Variants in COL26A1 observed in about 807,000 individuals in gnomAD.
COL26A1 encodes the protein collagen alpha-1(XXVI) chain.
COL26A1 carries 41 observed loss-of-function variants against 59.3 expected under a neutral mutation model. The observed-to-expected ratio is 0.69, with a 90% CI of 0.54 to 0.90. The LOEUF (loss-of-function observed/expected upper bound fraction) is 0.90, where lower values mean the gene tolerates loss of function less well. Among genes scored for constraint, COL26A1 ranks in the 40% least tolerant of loss-of-function variants. The pLI, the probability that COL26A1 is intolerant of heterozygous loss-of-function variation, is 0.00. For synonymous variants in COL26A1, 266 were observed against 256.0 expected, an observed-to-expected ratio of 1.04 and a Z score of -0.37; for missense variants, 612 against 602.3, an observed-to-expected ratio of 1.02 and a Z score of -0.17.
chr7:101,471,672 C>A (rs1044901957), intron 3 of COL26A1, among the ~76,000 whole-genome samples: 1 of 149,774 alleles, frequency 6.7e-6, no homozygotes, highest in Non-Finnish European at 1.5e-5. Context: ...CTCCACCTAC[C>A]GAGTTCAAGC....
At chr7:101,518,261 A>T (rs901411843) in intron 3 of COL26A1, among the ~76,000 whole-genome samples, 1 of 152,182 alleles carries the variant, frequency 6.6e-6, no homozygotes, top group African/African-American at 2.4e-5. Context: ...AGTGGGTGCT[A>T]CAGGAAGATG....
At chr7:101,537,307 C>T (rs1295888298) in intron 4 of COL26A1, among the ~76,000 whole-genome samples, 1 of 152,186 alleles carries the variant, frequency 6.6e-6, no homozygotes, top group South Asian at 2.1e-4. Context: ...GGGCTTTACT[C>T]TCTGACCTCA....
chr7:101,383,895 C>T (rs888216673), intron 1 of COL26A1, among the ~76,000 whole-genome samples: 48 of 152,140 alleles, frequency 3.2e-4, no homozygotes, highest in Admixed American at 2.0e-4. Context: ...GTCTCAAACT[C>T]TTGACCTCAG....
At chr7:101,467,775 C>G (rs919471109) in intron 3 of COL26A1, among the ~76,000 whole-genome samples, 3 of 151,864 alleles carry the variant, frequency 2.0e-5, no homozygotes, top group Admixed American at 6.6e-5. Context: ...GCTGAGGCAG[C>G]AGAATGGCAT....
Position 101,545,327 on chromosome 7 carries a change from C to A in COL26A1, c.704-11C>A. ...CGGCTGCCACAGTGACTGTTCTTTTCCTCATTGCAGGGCTCCTGGGGCCTC... is the reference window on the plus strand; with the variant it reads ...CGGCTGCCACAGTGACTGTTCTTTTACTCATTGCAGGGCTCCTGGGGCCTC... On this transcript the variant is annotated splice_polypyrimidine_tract_variant and intron_variant, in intron 6 of 12. Transcript: ENST00000313669. 6.4e-7 allele frequency: 1 copy of A among 1,553,410 alleles called. No homozygotes were observed. Among genetic ancestry groups the A allele is most frequent in the Non-Finnish European group, 8.6e-7 (1 of 1,158,058 alleles).
At chr7:101,555,649 A>T (rs1159819008) in intron 11 of COL26A1, 138 bp from the exon 12 acceptor site, 3 of 601,726 alleles carry the variant, frequency 5.0e-6, no homozygotes, top group Non-Finnish European at 9.0e-6. Flanking sequence ...GTCTATGCTT[A>T]TTTGCAGTGG....
chr7:101,488,222 A>G (rs1794308379), intron 3 of COL26A1, among the ~76,000 whole-genome samples: 1 of 150,950 alleles, frequency 6.6e-6, no homozygotes, highest in African/African-American at 2.4e-5. Context: ...CAGAGGTTGC[A>G]GTGAGCTAAG....
chr7:101,456,166 A>ATT lies in COL26A1; in HGVS notation c.385+8380_385+8381insTT, dbSNP rs1309496693. ...CATTACTGTAAGTATATATATATAT[A>ATT]TATTTTTTTTTTAATGGAGATAAAA... On this transcript the variant is annotated intron_variant, in intron 3 of 12. Transcript: ENST00000313669. 2.1e-3 allele frequency among the ~76,000 whole-genome samples: 213 copies of ATT among 99,620 alleles called. 4 individuals carry two copies. The highest frequency in any genetic ancestry group is 0.018 in the South Asian group (61 of 3,320). 65.4% of individuals were successfully genotyped at this position (99,620 alleles called of 152,430 possible).
chr7:101,413,504 A>G (rs1792292584), intron 1 of COL26A1, among the ~76,000 whole-genome samples: 1 of 151,174 alleles, frequency 6.6e-6, no homozygotes, highest in Admixed American at 6.7e-5. Flanking sequence ...GGGCCACAAG[A>G]GTAAAACTCC....
intron 11 of COL26A1, among the ~76,000 whole-genome samples, chr7:101,553,724 C>T (rs868292990): frequency 7.2e-5 from 11 of 152,080 alleles, no homozygotes; most frequent in Non-Finnish European, 1.5e-4. Flanking sequence ...CTCAACGGAC[C>T]GGGTTCTCCC....
intron 3 of COL26A1, among the ~76,000 whole-genome samples, chr7:101,508,017 T>C (rs1352950672): frequency 6.6e-6 from 1 of 152,178 alleles, no homozygotes; most frequent in Non-Finnish European, 1.5e-5. Context: ...TCTAGGGTTG[T>C]GCAAACACAG....
intron 3 of COL26A1, among the ~76,000 whole-genome samples, chr7:101,489,467 G>A (rs570407197): frequency 6.6e-6 from 1 of 152,248 alleles, no homozygotes; most frequent in East Asian, 1.9e-4. Flanking sequence ...CGCCAAGAGA[G>A]GATTCTTGGA....
rs1180430350 is a variant in COL26A1, at chr7:101,489,821, T to G, written c.385+42034T>G. Among the ~76,000 whole-genome samples the G allele has an allele frequency of 5.5e-4, 4 of 7,286 alleles. No homozygotes were observed. In the East Asian group the frequency reaches 7.9e-3, roughly 14 times the overall value. The allele number at this position is 7,286 out of a possible 152,430, so 4.8% of individuals were successfully genotyped here. ...TTCTTTCTTTCTTTCTTTCTTTCTTTCTTTCTTTCTTTCTTTCTTTCTTTC... is the reference window on the plus strand; with the variant it reads ...TTCTTTCTTTCTTTCTTTCTTTCTTGCTTTCTTTCTTTCTTTCTTTCTTTC... On this transcript the variant is annotated intron_variant, in intron 3 of 12. Coordinates refer to ENST00000313669, the MANE Select transcript of COL26A1 (RefSeq NM_001278563.3).
At chr7:101,544,818 C>T (rs1562798997) in intron 6 of COL26A1, among the ~76,000 whole-genome samples, 1 of 152,186 alleles carries the variant, frequency 6.6e-6, no homozygotes, top group Non-Finnish European at 1.5e-5. Context: ...CAGGGGTGAG[C>T]CACAACACCT....
chr7:101,457,414 T>C (rs187280874), intron 3 of COL26A1, among the ~76,000 whole-genome samples: 470 of 152,294 alleles, frequency 3.1e-3, no homozygotes, highest in Non-Finnish European at 5.4e-3. Context: ...CACCTATAAT[T>C]CTAATCTCAT....
intron 1 of COL26A1, among the ~76,000 whole-genome samples, chr7:101,401,800 AG>A (rs1792014437): frequency 6.6e-6 from 1 of 151,864 alleles, no homozygotes; most frequent in Non-Finnish European, 1.5e-5. Flanking sequence ...GACCCTGGAG[AG>A]GGATGGACCC....
chr7:101,421,792 C>T (rs966924323), intron 2 of COL26A1, among the ~76,000 whole-genome samples: 7 of 152,094 alleles, frequency 4.6e-5, no homozygotes, highest in Admixed American at 3.3e-4. Flanking sequence ...TGTGGGGAGA[C>T]ATTTTAAACC....
chr7:101,450,944 A>G (rs2130387984), intron 3 of COL26A1, among the ~76,000 whole-genome samples: 1 of 145,356 alleles, frequency 6.9e-6, no homozygotes, highest in South Asian at 2.2e-4. Flanking sequence ...CAATAATTAT[A>G]GATATTAATT....
At chr7:101,463,640 TTCCATCCTTCCA>T (rs1156471929) in intron 3 of COL26A1, among the ~76,000 whole-genome samples, 2 of 27,742 alleles carry the variant, frequency 7.2e-5, no homozygotes, top group African/African-American at 6.0e-4. Flanking sequence ...CCTTCCTTCC[TTCCATCCTTCCA>T]TCCTTCCATC....
Sources: allele counts gnomAD v4.1 joint callset (sites outside exome capture counted in the v4.1 genomes callset), GRCh38; gene constraint gnomAD v4.1.1; transcripts MANE v1.5; gene names NCBI Gene and HGNC (gene_info 2026-07-23, HGNC 2026-07-21).